Variants in SPRTN observed in about 807,000 individuals in gnomAD.
SPRTN encodes the protein SprT-like N-terminal domain.
Under a neutral mutation model 31.9 loss-of-function variants are expected in SPRTN, and 11 were observed. The ratio of observed to expected loss-of-function variants is 0.34; its 90% confidence interval spans 0.22 to 0.57. The LOEUF (loss-of-function observed/expected upper bound fraction) is 0.57, where lower values mean the gene tolerates loss of function less well. Ranked by LOEUF, SPRTN falls within the 20% of genes least tolerant of loss-of-function variation. The probability of loss-of-function intolerance (pLI) is 0.86; values close to 1 mark genes in which losing one functional copy is unlikely to be tolerated. For missense variants in SPRTN, 482 were observed against 590.1 expected (o/e 0.82, Z 1.90); for synonymous variants, 185 against 212.1 (o/e 0.87, Z 1.11).
chr1:231,347,713 T>C (rs1687103002), intron 2 of SPRTN, 84 bp from the exon 3 acceptor site: 1 of 1,467,436 alleles, frequency 6.8e-7, no homozygotes, highest in African/African-American at 1.4e-5. Context: ...CAGAAAAGGT[T>C]AGACACCAGA....
chr1:231,351,379 A>G lies in SPRTN; in HGVS notation c.526A>G (p.Arg176Gly), dbSNP rs1687231843. 1.9e-6 allele frequency: 3 copies of G among 1,614,042 alleles called. No individual in the cohort carries two copies. In the South Asian group the frequency reaches 3.3e-5, roughly 18 times the overall value. ...WWRCNGPCQH[R>G]PPYYGYVKRA... ...GCGCTGCAATGGGCCGTGCCAGCACAGGCCACCGTATTACGGCTATGTCAA... is the reference window on the plus strand; with the variant it reads ...GCGCTGCAATGGGCCGTGCCAGCACGGGCCACCGTATTACGGCTATGTCAA... Residue 176 changes from arginine to glycine, a missense_variant, in exon 4 of 5, where the codon AGG becomes GGG. This residue lies in a region of SPRTN where 157 missense variants were observed against 239.9 expected (regional missense o/e 0.65). Transcript: ENST00000295050.
At chr1:231,339,491 G>A (rs1686796414) in intron 1 of SPRTN, 2 of 656,938 alleles carry the variant, frequency 3.0e-6, no homozygotes, top group Non-Finnish European at 2.8e-6. Flanking sequence ...CGGTCCTGGC[G>A]TCTCTAGCAG....
chr1:231,340,932 A>G (rs1036461871), intron 2 of SPRTN, among the ~76,000 whole-genome samples: 1 of 152,204 alleles, frequency 6.6e-6, no homozygotes, highest in African/African-American at 2.4e-5. Context: ...AATGGATTAC[A>G]TAACAGTGTG....
intron 3 of SPRTN, among the ~76,000 whole-genome samples, chr1:231,351,059 C>T (rs1572000617): frequency 6.6e-6 from 1 of 151,860 alleles, no homozygotes. Flanking sequence ...GTCCTCTAAT[C>T]CCATGTGCAT....
chr1:231,339,520 C>A, intron 1 of SPRTN: 1 of 704,146 alleles, frequency 1.4e-6, no homozygotes, highest in Non-Finnish European at 2.5e-6. Flanking sequence ...AGCCTTCCAC[C>A]TTCTCAAGCA....
At chr1:231,341,890 G>A (rs756470981) in intron 2 of SPRTN, among the ~76,000 whole-genome samples, 13 of 152,152 alleles carry the variant, frequency 8.5e-5, no homozygotes, top group Non-Finnish European at 1.5e-4. Context: ...GGAGGCTGAC[G>A]CACAAGAATC....
Position 231,347,842 on chromosome 1 carries a change from A to G in SPRTN, c.367A>G (p.Asn123Asp). ...MIHAYLFVTNNDKDREGHGPE... is the reference protein window; with the variant it reads ...MIHAYLFVTNDDKDREGHGPE... Reference sequence around the variant, plus strand: ...ACATGCCTATTTATTTGTCACTAATAACGACAAAGACCGAGAAGGGCATGG... The same window carrying G: ...ACATGCCTATTTATTTGTCACTAATGACGACAAAGACCGAGAAGGGCATGG... The change falls in exon 3 of 5, where the codon AAC becomes GAC. Residue 123 changes from asparagine to aspartate, a missense_variant. By Grantham distance (23) the Asn-to-Asp change is conservative. Coordinates refer to ENST00000295050, the MANE Select transcript of SPRTN (RefSeq NM_032018.7). The G allele has an allele frequency of 6.2e-7, 1 of 1,613,762 alleles. No individual in the cohort carries two copies.
chr1:231,339,073 C>T (rs1686783681), intron 1 of SPRTN, among the ~76,000 whole-genome samples: 1 of 152,120 alleles, frequency 6.6e-6, no homozygotes, highest in African/African-American at 2.4e-5. Context: ...TTCAGTGATG[C>T]TTTTAAAACG....
chr1:231,342,162 C>T (rs1286012863), intron 2 of SPRTN, among the ~76,000 whole-genome samples: 2 of 152,164 alleles, frequency 1.3e-5, no homozygotes, highest in African/African-American at 2.4e-5. Context: ...AAAAGTTGAA[C>T]AGCATGATTA....
At chr1:231,352,236 G>A in intron 4 of SPRTN, 1 of 1,002,632 alleles carries the variant, frequency 1.0e-6, no homozygotes, top group Admixed American at 5.6e-5. Flanking sequence ...AATTGATATG[G>A]AAAGACCGTA....
chr1:231,346,411 T>A (rs545030829), intron 2 of SPRTN, among the ~76,000 whole-genome samples: 1 of 151,324 alleles, frequency 6.6e-6, no homozygotes, highest in Non-Finnish European at 1.5e-5. Context: ...TTCACCATGT[T>A]GAGCAGGATG....
At chr1:231,339,418 G>T in intron 1 of SPRTN, 1 of 489,854 alleles carries the variant, frequency 2.0e-6, no homozygotes, top group South Asian at 2.0e-5. Context: ...AGGGCAAGGG[G>T]AGCTGCAGTT....
chr1:231,338,725 C>A, intron 1 of SPRTN, 121 bp downstream of exon 1: 1 of 1,168,552 alleles, frequency 8.6e-7, no homozygotes, highest in Non-Finnish European at 1.2e-6. Context: ...TGAGGGGAGT[C>A]TGGTTTTGGA....
chr1:231,344,039 A>G (rs1686978112), intron 2 of SPRTN, among the ~76,000 whole-genome samples: 1 of 152,306 alleles, frequency 6.6e-6, no homozygotes, highest in Non-Finnish European at 1.5e-5. Flanking sequence ...AATGATAGAT[A>G]TTTAAAAAGT....
Position 231,353,080 on chromosome 1 carries a change from G to A in SPRTN, c.1189G>A (p.Val397Met). 1.2e-6 allele frequency: 2 copies of A among 1,614,162 alleles called. No homozygotes were observed. The highest frequency in any genetic ancestry group is 1.7e-6 in the Non-Finnish European group (2 of 1,180,004). ...ESASVMPSQD[V>M]SGSEDTFPNK... ...AGCATCTGTGATGCCATCCCAGGAT[G>A]TGAGTGGGTCTGAAGATACATTCCC... Residue 397 changes from valine (V) to methionine (M), a missense_variant, in exon 5 of 5, where the codon GTG becomes ATG. Val to Met is a conservative substitution (Grantham distance 21, BLOSUM62 1). Coordinates refer to ENST00000295050, the MANE Select transcript of SPRTN (RefSeq NM_032018.7).
chr1:231,351,205 T>TAAA (rs35814914), intron 3 of SPRTN, 99 bp from the exon 4 acceptor site: 179 of 974,496 alleles, frequency 1.8e-4, no homozygotes, highest in East Asian at 2.4e-4. Context: ...TTTCAAAAAT[T>TAAA]AAAAAAAAAA....
chr1:231,344,797 GC>G (rs1235221219), intron 2 of SPRTN: 1 of 260,658 alleles, frequency 3.8e-6, no homozygotes, highest in Non-Finnish European at 8.7e-6. Flanking sequence ...AATCTTAAAT[GC>G]TTTTGTTAAT....
At chr1:231,345,112 T>C (rs1429077224) in intron 2 of SPRTN, among the ~76,000 whole-genome samples, 3 of 152,076 alleles carry the variant, frequency 2.0e-5, no homozygotes, top group Non-Finnish European at 4.4e-5. Flanking sequence ...CTTTTTCTTT[T>C]CTTTTCTTTT....
At position 231,351,308 on chromosome 1, in the gene SPRTN, A is replaced by C. The variant is rs1401946329; in HGVS notation, c.455A>C (p.Tyr152Ser). ...AAAAATTCTGTCTCCACTCAGGTATACCATACTTTTCACGATGAGGTGGAT... is the reference window on the plus strand; with the variant it reads ...AAAAATTCTGTCTCCACTCAGGTATCCCATACTTTTCACGATGAGGTGGAT... ...NSLTGANITVYHTFHDEVDEY... is the reference protein window; with the variant it reads ...NSLTGANITVSHTFHDEVDEY... The change falls in exon 4 of 5, where the codon TAC (tyrosine) becomes TCC (serine). Residue 152 changes from tyrosine to serine, a missense_variant. Around this residue, in one of 2 missense-constraint regions of SPRTN, gnomAD observed 157 missense variants for 239.9 expected, o/e 0.65. Coordinates refer to ENST00000295050, the MANE Select transcript of SPRTN (RefSeq NM_032018.7). 1 of 1,602,840 alleles carries C rather than the reference A, an allele frequency of 6.2e-7. No individual in the cohort carries two copies. Among genetic ancestry groups the C allele is most frequent in the Non-Finnish European group, 8.5e-7 (1 of 1,173,284 alleles).
Sources: allele counts gnomAD v4.1 joint callset (sites outside exome capture counted in the v4.1 genomes callset), GRCh38; gene constraint gnomAD v4.1.1; regional missense constraint gnomAD v4.1.1; transcripts MANE v1.5; gene names NCBI Gene and HGNC (gene_info 2026-07-23, HGNC 2026-07-21).